The following RCAN2 variants were observed in gnomAD, a reference collection of about 807,000 sequenced individuals.
The protein encoded by RCAN2 is calcipressin-2.
RCAN2 carries 9 observed loss-of-function variants against 23.6 expected under a neutral mutation model. The observed-to-expected ratio is 0.38, with a 90% CI of 0.23 to 0.67. The LOEUF (loss-of-function observed/expected upper bound fraction) is 0.67. Ranked by LOEUF, RCAN2 falls within the 30% of genes least tolerant of loss-of-function variation. The pLI, the probability that RCAN2 is intolerant of heterozygous loss-of-function variation, is 0.51. For missense variants in RCAN2, 273 were observed against 302.3 expected (o/e 0.90, Z 0.72); for synonymous variants, 109 against 115.7 (o/e 0.94, Z 0.37).
chr6:46,458,431 C>A (rs927583473), intron 1 of RCAN2, among the ~76,000 whole-genome samples: 3 of 151,892 alleles, frequency 2.0e-5, no homozygotes, highest in African/African-American at 7.3e-5. Context: ...AGGTAGGAGC[C>A]AAAAATTAAA....
chr6:46,390,384 C>G (rs1165527194), intron 2 of RCAN2, among the ~76,000 whole-genome samples: 1 of 152,180 alleles, frequency 6.6e-6, no homozygotes, highest in Admixed American at 6.5e-5. Context: ...GTTCTCACTG[C>G]ATTTGTGGTC....
chr6:46,359,219 C>G (rs1764925875), intron 2 of RCAN2, among the ~76,000 whole-genome samples: 1 of 152,166 alleles, frequency 6.6e-6, no homozygotes, highest in Non-Finnish European at 1.5e-5. Flanking sequence ...AACCTTGACA[C>G]TGGAAAGTAC....
chr6:46,282,389 A>C (rs1762218217), intron 2 of RCAN2, among the ~76,000 whole-genome samples: 1 of 152,012 alleles, frequency 6.6e-6, no homozygotes, highest in African/African-American at 2.4e-5. Flanking sequence ...ACTAAAAAAA[A>C]AAAACAAAAA....
At chr6:46,363,284 T>C (rs1240773788) in intron 2 of RCAN2, among the ~76,000 whole-genome samples, 1 of 152,194 alleles carries the variant, frequency 6.6e-6, no homozygotes, top group African/African-American at 2.4e-5. Context: ...TTTCTAGGTT[T>C]CTCATATGTG....
intron 2 of RCAN2, among the ~76,000 whole-genome samples, chr6:46,321,502 C>T (rs984226188): frequency 2.0e-5 from 3 of 152,222 alleles, no homozygotes; most frequent in Non-Finnish European, 4.4e-5. Context: ...CTCTAATGAG[C>T]GGAAGGGAGC....
chr6:46,322,984 G>T (rs979190311), intron 2 of RCAN2, among the ~76,000 whole-genome samples: 1 of 152,142 alleles, frequency 6.6e-6, no homozygotes, highest in African/African-American at 2.4e-5. Flanking sequence ...GCACAACGTA[G>T]ATCTTTGCTT....
At chr6:46,424,579 T>C (rs750162717) in intron 2 of RCAN2, among the ~76,000 whole-genome samples, 5 of 152,010 alleles carry the variant, frequency 3.3e-5, no homozygotes, top group African/African-American at 1.2e-4. Flanking sequence ...TCCAAATGAG[T>C]TGACCCCTCT....
chr6:46,283,238 C>T (rs1762261890), intron 2 of RCAN2, among the ~76,000 whole-genome samples: 1 of 152,080 alleles, frequency 6.6e-6, no homozygotes, highest in Non-Finnish European at 1.5e-5. Context: ...CATTTGAGCC[C>T]AGGAGTTCAA....
intron 2 of RCAN2, among the ~76,000 whole-genome samples, chr6:46,314,212 A>G (rs1454389986): frequency 6.6e-6 from 1 of 152,110 alleles, no homozygotes; most frequent in Non-Finnish European, 1.5e-5. Flanking sequence ...AAACACAAAA[A>G]TTAGCCAGGC....
At chr6:46,413,600 G>A (rs1766612720) in intron 2 of RCAN2, among the ~76,000 whole-genome samples, 1 of 152,186 alleles carries the variant, frequency 6.6e-6, no homozygotes, top group Non-Finnish European at 1.5e-5. Context: ...ACGAGTATAT[G>A]ATCTTAGAAA....
At chr6:46,314,790 G>A (rs1217474244) in intron 2 of RCAN2, among the ~76,000 whole-genome samples, 1 of 152,142 alleles carries the variant, frequency 6.6e-6, no homozygotes, top group Non-Finnish European at 1.5e-5. Flanking sequence ...CTGTGTGGGT[G>A]TGGTCGCTGT....
intron 2 of RCAN2, among the ~76,000 whole-genome samples, chr6:46,416,863 T>C (rs760044377): frequency 5.3e-5 from 8 of 152,186 alleles, no homozygotes; most frequent in Non-Finnish European, 1.2e-4. Context: ...AATGTTTTGA[T>C]AGATATTCCA....
intron 1 of RCAN2, among the ~76,000 whole-genome samples, chr6:46,480,863 A>G (rs1415840226): frequency 1.3e-5 from 2 of 152,070 alleles, no homozygotes; most frequent in Non-Finnish European, 2.9e-5. Flanking sequence ...ACCTCGTGAT[A>G]CGCCCGCCTC....
At chr6:46,464,987 C>T (rs1768331397) in intron 1 of RCAN2, among the ~76,000 whole-genome samples, 1 of 151,568 alleles carries the variant, frequency 6.6e-6, no homozygotes, top group Non-Finnish European at 1.5e-5. Context: ...GATTTTAATG[C>T]CCATGATCTC....
intron 2 of RCAN2, among the ~76,000 whole-genome samples, chr6:46,443,188 T>C (rs1269895637): frequency 6.6e-6 from 1 of 152,218 alleles, no homozygotes; most frequent in Non-Finnish European, 1.5e-5. Flanking sequence ...ATTCCTTATA[T>C]ATTTTATGTC....
intron 2 of RCAN2, among the ~76,000 whole-genome samples, chr6:46,334,634 T>C (rs949155732): frequency 1.3e-5 from 2 of 152,106 alleles, no homozygotes; most frequent in South Asian, 4.1e-4. Flanking sequence ...CAAAATGCAA[T>C]CCACATTCTC....
At chr6:46,384,055 C>T (rs1280219184) in intron 2 of RCAN2, among the ~76,000 whole-genome samples, 3 of 152,182 alleles carry the variant, frequency 2.0e-5, no homozygotes, top group East Asian at 1.9e-4. Context: ...AGGGATCCCG[C>T]GCAGTAGCTG....
chr6:46,336,284 G>A (rs191411841), intron 2 of RCAN2, among the ~76,000 whole-genome samples: 5 of 152,334 alleles, frequency 3.3e-5, no homozygotes, highest in East Asian at 1.9e-4. Flanking sequence ...AGAAATATAA[G>A]AGAACTCAGT....
intron 2 of RCAN2, among the ~76,000 whole-genome samples, chr6:46,399,320 A>C (rs1484108688): frequency 1.3e-5 from 2 of 151,884 alleles, no homozygotes; most frequent in Non-Finnish European, 2.9e-5. Context: ...TAAATTAATA[A>C]AAGCTGCTTT....
Sources: allele counts gnomAD v4.1 joint callset (sites outside exome capture counted in the v4.1 genomes callset), GRCh38; gene constraint gnomAD v4.1.1; transcripts MANE v1.5; gene names NCBI Gene and HGNC (gene_info 2026-07-23, HGNC 2026-07-21).